SHISA6: variants seen among roughly 807,000 people sequenced by gnomAD.
The protein encoded by SHISA6 is protein shisa-6.
In SHISA6, 22 loss-of-function variants were observed where a neutral mutation model predicts 47.9. The observed-to-expected ratio is 0.46, with a 90% CI of 0.33 to 0.66. SHISA6 has a LOEUF of 0.66. SHISA6 is among the 30% of genes least tolerant of loss of function. SHISA6 has a pLI of 0.02. For missense variants in SHISA6, 680 were observed against 764.6 expected, an observed-to-expected ratio of 0.89 and a Z score of 1.30; for synonymous variants, 388 against 337.8, an observed-to-expected ratio of 1.15 and a Z score of -1.63.
intron 3 of SHISA6, among the ~76,000 whole-genome samples, chr17:11,385,085 G>A (rs970347967): frequency 1.3e-5 from 2 of 152,178 alleles, no homozygotes; most frequent in African/African-American, 4.8e-5. Flanking sequence ...ATATGAAGTA[G>A]GTCCAATGGA....
intron 3 of SHISA6, among the ~76,000 whole-genome samples, chr17:11,528,444 T>C (rs1192659043): frequency 6.6e-6 from 1 of 152,204 alleles, no homozygotes; most frequent in Non-Finnish European, 1.5e-5. Context: ...CTAAAACGTA[T>C]ATACACGCAT....
chr17:11,512,846 A>AG (rs1468975729), intron 3 of SHISA6, among the ~76,000 whole-genome samples: 1 of 152,076 alleles, frequency 6.6e-6, no homozygotes, highest in Non-Finnish European at 1.5e-5. Context: ...GTAAAGGCTG[A>AG]GGGATCGTCT....
chr17:11,396,069 T>G (rs1913562249), intron 3 of SHISA6, among the ~76,000 whole-genome samples: 1 of 152,242 alleles, frequency 6.6e-6, no homozygotes, highest in Admixed American at 6.5e-5. Flanking sequence ...CAGTTCCTAT[T>G]GTCTTGAGTT....
chr17:11,425,271 T>C (rs891792567), intron 3 of SHISA6, among the ~76,000 whole-genome samples: 1 of 151,734 alleles, frequency 6.6e-6, no homozygotes, highest in African/African-American at 2.4e-5. Flanking sequence ...TTTCCAACCC[T>C]TGTAGAAAAT....
chr17:11,357,537 A>G (rs139764619), intron 2 of SHISA6, among the ~76,000 whole-genome samples: 1 of 152,326 alleles, frequency 6.6e-6, no homozygotes, highest in East Asian at 1.9e-4. Context: ...TTATTCTACA[A>G]AGATGGAATC....
intron 2 of SHISA6, among the ~76,000 whole-genome samples, chr17:11,341,442 C>T (rs905401923): frequency 7.0e-6 from 1 of 143,086 alleles, no homozygotes; most frequent in African/African-American, 2.6e-5. Flanking sequence ...TCAAGTGATT[C>T]TCTTGCCTCA....
intron 2 of SHISA6, among the ~76,000 whole-genome samples, chr17:11,358,982 G>A (rs957834764): frequency 1.3e-5 from 2 of 152,062 alleles, no homozygotes; most frequent in Non-Finnish European, 2.9e-5. Flanking sequence ...TCTTTTTCAG[G>A]CAGAATATTA....
At chr17:11,314,694 C>T (rs1910448286) in intron 2 of SHISA6, among the ~76,000 whole-genome samples, 1 of 151,988 alleles carries the variant, frequency 6.6e-6, no homozygotes, top group Non-Finnish European at 1.5e-5. Flanking sequence ...CACCTCCACG[C>T]CTGGCTAATT....
At chr17:11,316,385 A>C (rs1597454550) in intron 2 of SHISA6, among the ~76,000 whole-genome samples, 2 of 91,052 alleles carry the variant, frequency 2.2e-5, no homozygotes, top group Admixed American at 1.3e-4. Context: ...CATTAGTTCC[A>C]TCCTTCTCTC....
intron 2 of SHISA6, among the ~76,000 whole-genome samples, chr17:11,274,391 C>G (rs895318486): frequency 2.6e-5 from 4 of 152,152 alleles, no homozygotes; most frequent in African/African-American, 4.8e-5. Context: ...CATGAGTTGG[C>G]AAAACGAAGG....
chr17:11,475,081 T>C (rs950801642), intron 3 of SHISA6, among the ~76,000 whole-genome samples: 1 of 152,166 alleles, frequency 6.6e-6, no homozygotes, highest in Non-Finnish European at 1.5e-5. Context: ...ACCTAAGTAT[T>C]TCATGTTTTT....
Position 11,472,712 on chromosome 17 carries a change from A to G in SHISA6, c.896-79184A>G, listed in dbSNP as rs113998950. On this transcript the variant is annotated intron_variant, in intron 3 of 5. Transcript: ENST00000441885. Reference sequence around the variant, plus strand: ...ACAAGGAGTGCAATTTTTGGATCATATGGTAAGACTATGTTTAGTTCTGTA... The same window carrying G: ...ACAAGGAGTGCAATTTTTGGATCATGTGGTAAGACTATGTTTAGTTCTGTA... 4.0e-3 allele frequency among the ~76,000 whole-genome samples: 603 copies of G among 152,324 alleles called. 4 individuals are homozygous for G. Among genetic ancestry groups the G allele is most frequent in the African/African-American group, 0.014 (570 of 41,586 alleles).
chr17:11,305,840 G>A (rs998852822), intron 2 of SHISA6, among the ~76,000 whole-genome samples: 2 of 152,204 alleles, frequency 1.3e-5, no homozygotes, highest in African/African-American at 4.8e-5. Context: ...AGCTAGGGAG[G>A]CTGGGAGATG....
rs566198907 is a variant in SHISA6, at chr17:11,559,166, G to A, written c.*862G>A. 2.6e-5 allele frequency: 4 copies of A among 152,820 alleles called. No homozygotes were observed. Among genetic ancestry groups the A allele is most frequent in the African/African-American group, 9.6e-5 (4 of 41,582 alleles). The allele number at this position is 152,820 out of a possible 1,614,324, so 9.5% of individuals were successfully genotyped here. A position where few individuals can be genotyped will look rare whatever the true frequency, so the allele number is the denominator to read the frequency against. On this transcript the variant is annotated 3_prime_UTR_variant, in exon 6 of 6. Transcript: ENST00000441885. The surrounding 1 kb of genome is among the most constrained non-coding windows in gnomAD (Gnocchi z 4.4). Reference sequence around the variant, plus strand: ...CAGAGGGGAGTAGCAATGGGGTGCTGGCCCTCCCAGACACCCGATCATCTC... The same window carrying A: ...CAGAGGGGAGTAGCAATGGGGTGCTAGCCCTCCCAGACACCCGATCATCTC...
At position 11,241,953 on chromosome 17, in the gene SHISA6, C is replaced by G; in HGVS notation, c.531C>G (p.Thr177=). The change falls in exon 1 of 6, where the codon ACC becomes ACG. Residue 177 remains threonine, a synonymous_variant. Transcript: ENST00000441885. The surrounding 1 kb of genome is among the most constrained non-coding windows in gnomAD (Gnocchi z 5.5). Reference sequence around the variant, plus strand: ...CGGAGAAGGACAAGACCAACTTCACCGTCTACATCACCTGCGGGGTGATCG... The same window carrying G: ...CGGAGAAGGACAAGACCAACTTCACGGTCTACATCACCTGCGGGGTGATCG... ...YDPEKDKTNF[T]VYITCGVIAF... 1 of 1,550,978 alleles carries G rather than the reference C, an allele frequency of 6.4e-7. No homozygotes were observed. Among genetic ancestry groups the G allele is most frequent in the Admixed American group, 2.0e-5 (1 of 51,014 alleles).
intron 3 of SHISA6, among the ~76,000 whole-genome samples, chr17:11,519,602 C>T (rs1291226644): frequency 2.0e-5 from 3 of 152,096 alleles, no homozygotes; most frequent in African/African-American, 7.2e-5. Context: ...ACGTACTTAA[C>T]GCCACTGACC....
chr17:11,338,958 T>C lies in SHISA6; in HGVS notation c.800-40456T>C, dbSNP rs1911422696. ...ATTATGTGCATAAAATTGCAAACAT[T>C]CTTATATATTTACTGTATACATAAT... On this transcript the variant is annotated intron_variant, in intron 2 of 5. Coordinates refer to ENST00000441885, the MANE Select transcript of SHISA6 (RefSeq NM_207386.4). 2.6e-5 allele frequency among the ~76,000 whole-genome samples: 4 copies of C among 152,278 alleles called. No individual in the cohort carries two copies. The South Asian group carries it at 8.3e-4, about 32-fold the overall frequency.
intron 2 of SHISA6, among the ~76,000 whole-genome samples, chr17:11,316,069 G>A (rs1421547148): frequency 6.6e-6 from 1 of 151,918 alleles, no homozygotes; most frequent in African/African-American, 2.4e-5. Context: ...CATTGCTACT[G>A]ACACATTAAT....
chr17:11,542,104 C>T (rs1247653682), intron 3 of SHISA6, among the ~76,000 whole-genome samples: 1 of 152,098 alleles, frequency 6.6e-6, no homozygotes, highest in East Asian at 1.9e-4. Context: ...CAGAGCTGCT[C>T]CACCCTCCCC....
Sources: gnomAD v4.1 joint callset for allele counts (sites outside exome capture counted in the v4.1 genomes callset) on GRCh38, gnomAD v4.1.1 for gene constraint, Gnocchi (gnomAD v3.1) non-coding constraint, MANE v1.5 for transcripts, NCBI Gene and HGNC (gene_info 2026-07-23, HGNC 2026-07-21) for gene names.